GPR35: variants seen among roughly 807,000 people sequenced by gnomAD.
GPR35 encodes KYNA receptor.
For synonymous variants in GPR35, 207 were observed against 198.4 expected (o/e 1.04, Z -0.36); for missense variants, 372 against 422.5 (o/e 0.88, Z 1.05).
chr2:240,631,021 C>CCGTCCCTGCCCACCCA lies in GPR35; in HGVS notation c.*139_*140insCGTCCCTGCCCACCCA. On this transcript the variant is annotated 3_prime_UTR_variant, in exon 2 of 2. Transcript: ENST00000407714. ...GTATTCTCTTGGAGCCTTGGGTGGG[C>CCGTCCCTGCCCACCCA]AGGGACGGCCCAGGTACCTGCTCTC... is the stretch of plus-strand genomic sequence containing the variant. The CCGTCCCTGCCCACCCA allele has an allele frequency of 1.4e-6, 1 of 710,336 alleles. No individual in the cohort carries two copies. The highest frequency in any genetic ancestry group is 2.4e-6 in the Non-Finnish European group (1 of 418,238). The allele number at this position is 710,336 out of a possible 1,614,324, so 44.0% of individuals were successfully genotyped here. A position where few individuals can be genotyped will look rare whatever the true frequency, so the allele number is the denominator to read the frequency against.
intron 5 of GPR35, chr2:240,619,038 A>G (rs1259706161): frequency 1.1e-5 from 8 of 701,732 alleles, no homozygotes; most frequent in Non-Finnish European, 2.1e-5. Context: ...CTCTGTGAGT[A>G]CATTCCTAGA....
chr2:240,625,793 G>C (rs374316312), intron 1 of GPR35, among the ~76,000 whole-genome samples: 122 of 99,506 alleles, frequency 1.2e-3, no homozygotes, highest in South Asian at 2.9e-3. Context: ...GGGTGAGGCT[G>C]TGATGGGGTC....
intron 2 of GPR35, among the ~76,000 whole-genome samples, chr2:240,610,619 C>T (rs1211208778): frequency 2.0e-5 from 3 of 152,064 alleles, no homozygotes; most frequent in South Asian, 4.2e-4. Flanking sequence ...TGGCACCACA[C>T]GTGGCTAAGT....
chr2:240,617,379 C>A, exon 4 of GPR35: 1 of 634,046 alleles, frequency 1.6e-6, no homozygotes, highest in South Asian at 1.8e-5. Context: ...TGGTTTTAAT[C>A]TTCTCATTTT....
At chr2:240,623,762 C>T (rs1325800756), upstream of GPR35, among the ~76,000 whole-genome samples, 1 of 152,104 alleles carries the variant, frequency 6.6e-6, no homozygotes, top group African/African-American at 2.4e-5. Flanking sequence ...TGGCAAGGGG[C>T]CCTTCCCAGA....
rs2043159005 is a variant in GPR35 at position 240,608,805 on chromosome 2, A to T, written c.-577+2193A>T. 1.3e-5 allele frequency among the ~76,000 whole-genome samples: 2 copies of T among 152,210 alleles called. 1 individual carries two copies. Among genetic ancestry groups the T allele is most frequent in the South Asian group, 4.2e-4 (2 of 4,816 alleles). ...TTTTTCTGATGTGGTTAAGATTGGT[A>T]TTATTTTATTCTTAAGTGTTTGATG... On this transcript the variant is annotated intron_variant, in intron 2 of 5. Transcript: ENST00000319838.
exon 2 of GPR35, chr2:240,606,576 C>G (rs1014282499): frequency 6.6e-6 from 1 of 152,306 alleles, no homozygotes; most frequent in Non-Finnish European, 1.5e-5. Flanking sequence ...GCCCCCATGG[C>G]ATGCATGATC....
chr2:240,620,735 C>G (rs910063683), upstream of GPR35, among the ~76,000 whole-genome samples: 11 of 152,232 alleles, frequency 7.2e-5, no homozygotes, highest in Non-Finnish European at 1.5e-4. Flanking sequence ...GGACCTTAGG[C>G]CACAGGTGCT....
chr2:240,630,631 G>C lies in GPR35; in HGVS notation c.679G>C (p.Val227Leu). Reference sequence around the variant, plus strand: ...GGTCTGGGCCAACCTCCTGGTGTTCGTGGTCTGCTTCCTGCCCCTGCACGT... The same window carrying C: ...GGTCTGGGCCAACCTCCTGGTGTTCCTGGTCTGCTTCCTGCCCCTGCACGT... The part of the protein sequence containing the change: ...RMVWANLLVF[V>L]VCFLPLHVGL... The change falls in exon 2 of 2, where the codon GTG becomes CTG. Residue 227 changes from valine (V) to leucine (L), a missense_variant. Coordinates refer to ENST00000407714, the MANE Select transcript of GPR35 (RefSeq NM_005301.5). The C allele has an allele frequency of 6.2e-7, 1 of 1,612,854 alleles. No homozygotes were observed. Among genetic ancestry groups the C allele is most frequent in the Non-Finnish European group, 8.5e-7 (1 of 1,180,010 alleles).
exon 3 of GPR35, chr2:240,616,416 A>G (rs2043237719): frequency 3.8e-6 from 3 of 779,964 alleles, no homozygotes; most frequent in Non-Finnish European, 7.2e-6. Flanking sequence ...CTTCCTGCAG[A>G]CTGGACTTGC....
intron 2 of GPR35, among the ~76,000 whole-genome samples, chr2:240,614,928 G>A (rs1444931270): frequency 6.7e-6 from 1 of 149,856 alleles, no homozygotes; most frequent in Non-Finnish European, 1.5e-5. Context: ...ATATGCATTT[G>A]TGTGTGCTTG....
intron 2 of GPR35, among the ~76,000 whole-genome samples, chr2:240,612,319 C>T (rs551159281): frequency 2.3e-4 from 34 of 148,782 alleles, no homozygotes; most frequent in African/African-American, 7.2e-4. Flanking sequence ...CTCAGCTACT[C>T]GGGAGGCCGA....
intron 2 of GPR35, among the ~76,000 whole-genome samples, chr2:240,606,779 A>G (rs2043138894): frequency 6.6e-6 from 1 of 152,170 alleles, no homozygotes; most frequent in Non-Finnish European, 1.5e-5. Context: ...GGGCTTGGAG[A>G]ATATGGCAAG....
chr2:240,623,803 T>C (rs2043336351), upstream of GPR35, among the ~76,000 whole-genome samples: 1 of 152,188 alleles, frequency 6.6e-6, no homozygotes, highest in Non-Finnish European at 1.5e-5. Context: ...GTCCAGTTTC[T>C]TCCCCAAGTC....
intron 1 of GPR35, chr2:240,628,562 G>A (rs1326858547): frequency 1.3e-5 from 2 of 152,248 alleles, no homozygotes; most frequent in Non-Finnish European, 2.9e-5. Context: ...TCATGGACTG[G>A]GGACCTGGAG....
Position 240,630,924 on chromosome 2 carries a change from C to CG in GPR35, c.*45dup. ...GCTGTGGGCCAGGTCTCGGGGGCTC[C>CG]GGGAGGTGCTGCCTGCCAGGGGAAG... On this transcript the variant is annotated 3_prime_UTR_variant, in exon 2 of 2. Coordinates refer to ENST00000407714, the MANE Select transcript of GPR35 (RefSeq NM_005301.5). 6.5e-7 allele frequency: 1 copy of CG among 1,533,042 alleles called. No homozygotes were observed. Among genetic ancestry groups the CG allele is most frequent in the Non-Finnish European group, 8.9e-7 (1 of 1,121,496 alleles). The allele number at this position is 1,533,042 out of a possible 1,614,324, so 95.0% of individuals were successfully genotyped here. A position where few individuals can be genotyped will look rare whatever the true frequency, so the allele number is the denominator to read the frequency against.
At position 240,630,755 on chromosome 2, in the gene GPR35, A is replaced by C. The variant is rs777940996; in HGVS notation, c.803A>C (p.Asn268Thr). ...ATAACCAGCAAGCTCTCAGATGCCA[A>C]CTGCTGCCTGGACGCCATCTGCTAC... ...LYITSKLSDA[N>T]CCLDAICYYY... is the part of the protein sequence containing the mutation. The change falls in exon 2 of 2, where the codon AAC becomes ACC. Residue 268 changes from asparagine (N) to threonine (T), a missense_variant. Physicochemically the swap from Asn to Thr is moderately conservative, Grantham distance 65 (BLOSUM62 0). Coordinates refer to ENST00000407714, the MANE Select transcript of GPR35 (RefSeq NM_005301.5). The C allele has an allele frequency of 8.1e-6, 13 of 1,613,532 alleles. No homozygotes were observed. The highest frequency in any genetic ancestry group is 1.1e-5 in the Non-Finnish European group (13 of 1,180,024).
At chr2:240,609,520 G>A (rs1420125883) in intron 2 of GPR35, among the ~76,000 whole-genome samples, 2 of 152,152 alleles carry the variant, frequency 1.3e-5, no homozygotes, top group Admixed American at 6.5e-5. Context: ...CATTCTTTGT[G>A]TGTCTTATAC....
chr2:240,616,780 T>TG (rs2043243484), intron 3 of GPR35, among the ~76,000 whole-genome samples: 1 of 150,368 alleles, frequency 6.7e-6, no homozygotes, highest in African/African-American at 2.4e-5. Flanking sequence ...TGTTGTCTCT[T>TG]CCGTGATTAG....
Sources: gnomAD v4.1 joint callset for allele counts (sites outside exome capture counted in the v4.1 genomes callset) on GRCh38, gnomAD v4.1.1 for gene constraint, MANE v1.5 for transcripts, NCBI Gene and HGNC (gene_info 2026-07-23, HGNC 2026-07-21) for gene names.